The following NEK9 variants were observed in gnomAD, a reference collection of about 807,000 sequenced individuals.
The protein encoded by NEK9 is NIMA related kinase 9.
NEK9 carries 75 observed loss-of-function variants against 123.4 expected under a neutral mutation model. The observed-to-expected ratio is 0.61, with a 90% confidence interval of 0.50 to 0.74. The LOEUF (loss-of-function observed/expected upper bound fraction) is 0.74. NEK9 is among the 30% of genes least tolerant of loss of function. The probability of loss-of-function intolerance (pLI) is 0.00; values close to 1 mark genes in which losing one functional copy is unlikely to be tolerated. For synonymous variants in NEK9, 438 were observed against 458.7 expected (o/e 0.95, Z 0.58); for missense variants, 952 against 1,214.4 (o/e 0.78, Z 3.21).
At chr14:75,113,455 G>C in intron 7 of NEK9, 52 bp from the exon 8 acceptor site, 1 of 1,264,908 alleles carries the variant, frequency 7.9e-7, no homozygotes, top group East Asian at 2.3e-5. Context: ...GGGCGACATC[G>C]GATCTAAAGA....
chr14:75,086,092 G>A (rs1041418132), intron 21 of NEK9, among the ~76,000 whole-genome samples: 1 of 151,796 alleles, frequency 6.6e-6, no homozygotes, highest in Non-Finnish European at 1.5e-5. Flanking sequence ...GGGAGGCTGA[G>A]GCAGAAGAAT....
intron 19 of NEK9, 92 bp downstream of exon 19, chr14:75,091,178 G>T: frequency 9.5e-7 from 1 of 1,055,844 alleles, no homozygotes; most frequent in Non-Finnish European, 1.4e-6. Context: ...AGTTTACTAG[G>T]TACTTGGAAA....
intron 13 of NEK9, 98 bp downstream of exon 13, chr14:75,105,852 T>TA: frequency 1.0e-6 from 1 of 959,686 alleles, no homozygotes; most frequent in Non-Finnish European, 1.6e-6. Context: ...ACTTCGGAAA[T>TA]AAATACCTTG....
chr14:75,110,958 T>A (rs1894940126), intron 8 of NEK9, among the ~76,000 whole-genome samples: 2 of 152,206 alleles, frequency 1.3e-5, no homozygotes, highest in Admixed American at 6.5e-5. Context: ...TCTGGGTAGC[T>A]CTACTTCCCA....
chr14:75,100,930 CA>C, intron 16 of NEK9, 61 bp downstream of exon 16: 1 of 1,519,828 alleles, frequency 6.6e-7, no homozygotes, highest in Admixed American at 2.1e-5. Context: ...ATTTCTTTCC[CA>C]GCCAAGAACT....
chr14:75,097,274 G>C lies in NEK9; in HGVS notation c.2003-4C>G. The C allele has an allele frequency of 6.3e-7, 1 of 1,588,830 alleles. No individual in the cohort carries two copies. The highest frequency in any genetic ancestry group is 8.6e-7 in the Non-Finnish European group (1 of 1,168,212). ...CCCCAGGCAAAAATGTGATTATCTA[G>C]GAAAAAAGTTAAACAGTAGACCATT... On this transcript the variant is annotated splice_polypyrimidine_tract_variant and splice_region_variant and intron_variant, in intron 16 of 21. Transcript: ENST00000238616.
intron 20 of NEK9, 69 bp downstream of exon 20, chr14:75,088,411 A>G: frequency 6.6e-7 from 1 of 1,514,092 alleles, no homozygotes; most frequent in South Asian, 1.2e-5. Context: ...GAGCGAGGCC[A>G]GAAGAACCAG....
chr14:75,109,822 C>T lies in NEK9; in HGVS notation c.1045G>A (p.Val349Ile). The T allele has an allele frequency of 6.2e-7, 1 of 1,614,070 alleles. No individual in the cohort carries two copies. Among genetic ancestry groups the T allele is most frequent in the Non-Finnish European group, 8.5e-7 (1 of 1,180,002 alleles). The part of the protein sequence containing the change: ...IAVVTSRTSE[V>I]YVWGGGKSTP... ...GATTTTCCACCACCCCAAACATAGA[C>T]TTCACTGGTTCGTGATGTTACTACA... Residue 349 changes from valine to isoleucine, a missense_variant, in exon 10 of 22, where the codon GTC (valine) becomes ATC (isoleucine). Around this residue, in one of 4 missense-constraint regions of NEK9, gnomAD observed 698 missense variants for 875.6 expected, o/e 0.80. Transcript: ENST00000238616.
chr14:75,120,839 G>A, intron 3 of NEK9: 2 of 586,730 alleles, frequency 3.4e-6, no homozygotes, highest in Non-Finnish European at 3.0e-6. Flanking sequence ...GAAAATTCAG[G>A]AAGAATGCAA....
rs71119346 is a variant in NEK9 at position 75,100,128 on chromosome 14, CAAAAAAAAAAAAAAAAAA to C, written c.2002+846_2002+863del. 1.5e-3 allele frequency among the ~76,000 whole-genome samples: 23 copies of C among 15,626 alleles called. 1 individual carries two copies. The highest frequency in any genetic ancestry group is 0.01 in the South Asian group (2 of 196). The allele number at this position is 15,626 out of a possible 152,430, so 10.3% of individuals were successfully genotyped here. A position where few individuals can be genotyped will look rare whatever the true frequency, so the allele number is the denominator to read the frequency against. ...TGGGCAATAGAGCAAGACTCCATCT[CAAAAAAAAAAAAAAAAAA>C]AAAAAAAAAAAAAAAAAAGGCCAGG... On this transcript the variant is annotated intron_variant, in intron 16 of 21. Coordinates refer to ENST00000238616, the MANE Select transcript of NEK9 (RefSeq NM_033116.6).
chr14:75,079,698 C>G lies in NEK9; in HGVS notation c.*4866G>C, dbSNP rs997293429. Reference sequence around the variant, plus strand: ...TGAAAAACTGGAAGTTCTGGAAACACTGGGCCAGCAACCCGCATGGCACAA... The same window carrying G: ...TGAAAAACTGGAAGTTCTGGAAACAGTGGGCCAGCAACCCGCATGGCACAA... On this transcript the variant is annotated 3_prime_UTR_variant, in exon 22 of 22. Transcript: ENST00000238616. 2.6e-5 allele frequency: 4 copies of G among 152,214 alleles called. No homozygotes were observed. Among genetic ancestry groups the G allele is most frequent in the Non-Finnish European group, 5.9e-5 (4 of 68,048 alleles). The allele number at this position is 152,214 out of a possible 1,614,324, so 9.4% of individuals were successfully genotyped here.
At position 75,094,353 on chromosome 14, in the gene NEK9, T is replaced by C. The variant is rs973751679; in HGVS notation, c.2233+1019A>G. On this transcript the variant is annotated intron_variant, in intron 18 of 21. Coordinates refer to ENST00000238616, the MANE Select transcript of NEK9 (RefSeq NM_033116.6). ...GGATTGCAGTGGCTATTCATAGGCA[T>C]GATGATAGTGCACTGTAACCTTGAA... Among the ~76,000 whole-genome samples, 7 of 152,212 alleles carry C rather than the reference T, an allele frequency of 4.6e-5. No individual in the cohort carries two copies. The South Asian group carries it at 1.2e-3, about 27-fold the overall frequency.
At chr14:75,119,049 C>T in intron 4 of NEK9, 114 bp from the exon 5 acceptor site, 1 of 657,890 alleles carries the variant, frequency 1.5e-6, no homozygotes, top group East Asian at 2.8e-5. Context: ...GGTACAGTGG[C>T]TCACATCTGT....
chr14:75,115,110 T>TGCATATATATACAC (rs1248668101), intron 6 of NEK9, among the ~76,000 whole-genome samples: 6 of 30,594 alleles, frequency 2.0e-4, no homozygotes, highest in Non-Finnish European at 2.9e-4. Flanking sequence ...CACACGTGTG[T>TGCATATATATACAC]GCGTACACAC....
In NEK9 at chr14:75,083,376, A is replaced by G. The variant is rs368688913; in HGVS notation, c.*1188T>C. The G allele has an allele frequency of 1.5e-4, 45 of 299,028 alleles. No homozygotes were observed. In the South Asian group the frequency reaches 7.2e-3, roughly 48 times the overall value. 18.5% of individuals were successfully genotyped at this position (299,028 alleles called of 1,614,324 possible). A position where few individuals can be genotyped will look rare whatever the true frequency, so the allele number is the denominator to read the frequency against. On this transcript the variant is annotated 3_prime_UTR_variant, in exon 22 of 22. Transcript: ENST00000238616. ...AGCTAGCTTGTTTCTATCTACAAAG[A>G]CACAGTGAGTACAGGATTAGAAGTG...
chr14:75,115,104 C>T (rs1199391523), intron 6 of NEK9, among the ~76,000 whole-genome samples: 3 of 33,058 alleles, frequency 9.1e-5, no homozygotes, highest in African/African-American at 2.5e-4. Context: ...TATATGCACA[C>T]GTGTGTGCGT....
intron 16 of NEK9, among the ~76,000 whole-genome samples, chr14:75,100,559 C>T (rs1445855165): frequency 2.0e-5 from 3 of 152,236 alleles, no homozygotes; most frequent in Non-Finnish European, 4.4e-5. Context: ...AGCAGCCCTT[C>T]AAACCTTAGC....
In NEK9 at chr14:75,118,595, G is replaced by C. The variant is rs144710009; in HGVS notation, c.630+235C>G. 1.1e-4 allele frequency among the ~76,000 whole-genome samples: 16 copies of C among 152,306 alleles called. No individual in the cohort carries two copies. In the East Asian group the frequency reaches 3.1e-3, roughly 29 times the overall value. On this transcript the variant is annotated intron_variant, in intron 5 of 21. Coordinates refer to ENST00000238616, the MANE Select transcript of NEK9 (RefSeq NM_033116.6). ...GGACAAAACAGTAAAGCATTTTGCT[G>C]CTTTTAGATAAGTCCCTAATCAGTG...
chr14:75,088,804 T>A (rs1189723663), intron 19 of NEK9, among the ~76,000 whole-genome samples, 163 bp from the exon 20 acceptor site: 3 of 152,150 alleles, frequency 2.0e-5, no homozygotes, highest in African/African-American at 4.8e-5. Flanking sequence ...GTGAAAAAAC[T>A]GCCACCCCTT....
Sources: gnomAD v4.1 joint callset for allele counts (sites outside exome capture counted in the v4.1 genomes callset) on GRCh38, gnomAD v4.1.1 for gene constraint, gnomAD v4.1.1 regional missense constraint, MANE v1.5 for transcripts, NCBI Gene and HGNC (gene_info 2026-07-23, HGNC 2026-07-21) for gene names.